Variants in TNPO1 observed in about 807,000 individuals in gnomAD.
TNPO1 encodes transportin-1.
Under a neutral mutation model 119.5 loss-of-function variants are expected in TNPO1, and 8 were observed. The ratio of observed to expected loss-of-function variants is 0.07; its 90% confidence interval spans 0.04 to 0.12. The LOEUF is 0.12. Ranked by LOEUF, TNPO1 falls within the 10% of genes least tolerant of loss-of-function variation. The probability of loss-of-function intolerance (pLI) is 1.00; values close to 1 mark genes in which losing one functional copy is unlikely to be tolerated. For synonymous variants in TNPO1, 362 were observed against 363.0 expected (o/e 1.00, Z 0.03); for missense variants, 576 against 1,089.8 (o/e 0.53, Z 6.64).
rs1372104122 is a variant in TNPO1, at chr5:72,908,758, GTTACCCTTTAC to G, written c.*86_*96del. On this transcript the variant is annotated 3_prime_UTR_variant, in exon 25 of 25. Transcript: ENST00000337273. ...GGGAGCCTCTGCACCCAGGGAAAAT[GTTACCCTTTAC>G]AGGGGGGAAGGGTAAACCAGTAGGG... 2 of 225,648 alleles carry G rather than the reference GTTACCCTTTAC, an allele frequency of 8.9e-6. No individual in the cohort carries two copies. Among genetic ancestry groups the G allele is most frequent in the Non-Finnish European group, 1.9e-5 (2 of 106,892 alleles). The allele number at this position is 225,648 out of a possible 1,614,324, so 14.0% of individuals were successfully genotyped here.
intron 2 of TNPO1, 112 bp downstream of exon 2, chr5:72,848,610 C>T: frequency 2.2e-6 from 1 of 457,126 alleles, no homozygotes; most frequent in Non-Finnish European, 3.5e-6. Flanking sequence ...CCCCATCCTC[C>T]GAGACCGGCC....
intron 4 of TNPO1, among the ~76,000 whole-genome samples, chr5:72,860,303 A>G (rs1363459496): frequency 6.6e-6 from 1 of 152,200 alleles, no homozygotes; most frequent in Non-Finnish European, 1.5e-5. Flanking sequence ...TTGTACACTC[A>G]TATTTTGCAG....
At chr5:72,867,809 A>G (rs926767727) in intron 6 of TNPO1, among the ~76,000 whole-genome samples, 1 of 152,238 alleles carries the variant, frequency 6.6e-6, no homozygotes, top group African/African-American at 2.4e-5. Context: ...TGTTGCATTC[A>G]TCTGTACTGA....
intron 23 of TNPO1, among the ~76,000 whole-genome samples, chr5:72,904,248 A>G (rs890440335): frequency 2.0e-5 from 3 of 152,352 alleles, no homozygotes; most frequent in East Asian, 1.9e-4. Context: ...GATTAAAGTT[A>G]GTGAACTATA....
In TNPO1 at chr5:72,827,488, G is replaced by A. The variant is rs11750849; in HGVS notation, c.15+10736G>A. Among the ~76,000 whole-genome samples, 38 of 152,204 alleles carry A rather than the reference G, an allele frequency of 2.5e-4. 1 individual carries two copies. The highest frequency in any genetic ancestry group is 8.9e-4 in the African/African-American group (37 of 41,542). ...CCATGGACTAGGGTAGACAGCAGAG[G>A]GGGTGAGAAGTGGTCAATTCAGAGT... is the stretch of plus-strand genomic sequence containing the variant. On this transcript the variant is annotated intron_variant, in intron 1 of 24. Coordinates refer to ENST00000337273, the MANE Select transcript of TNPO1 (RefSeq NM_002270.4).
intron 1 of TNPO1, among the ~76,000 whole-genome samples, chr5:72,836,172 C>T (rs1744684158): frequency 6.6e-6 from 1 of 152,184 alleles, no homozygotes; most frequent in Non-Finnish European, 1.5e-5. Context: ...TAGTTATTGC[C>T]CTTGTGTAGG....
intron 1 of TNPO1, among the ~76,000 whole-genome samples, chr5:72,823,853 G>A (rs1744093132): frequency 6.6e-6 from 1 of 152,044 alleles, no homozygotes; most frequent in Non-Finnish European, 1.5e-5. Context: ...CTGCCTGATG[G>A]TTGTACTGTA....
At position 72,827,594 on chromosome 5, in the gene TNPO1, A is replaced by G. The variant is rs1744262543; in HGVS notation, c.15+10842A>G. 2.0e-5 allele frequency among the ~76,000 whole-genome samples: 3 copies of G among 152,116 alleles called. No individual in the cohort carries two copies. In the South Asian group the frequency reaches 6.2e-4, roughly 32 times the overall value. On this transcript the variant is annotated intron_variant, in intron 1 of 24. Coordinates refer to ENST00000337273, the MANE Select transcript of TNPO1 (RefSeq NM_002270.4). ...AAGGAAATCAAGGGAAATAAGGATC[A>G]TTGCTTCTGATCTCCATAATTGGCC...
intron 1 of TNPO1, among the ~76,000 whole-genome samples, chr5:72,822,499 T>G (rs1398162564): frequency 6.6e-6 from 1 of 152,054 alleles, no homozygotes; most frequent in Admixed American, 6.5e-5. Flanking sequence ...GAGTCATGTG[T>G]GCTAGGATTA....
intron 20 of TNPO1, among the ~76,000 whole-genome samples, 198 bp downstream of exon 20, chr5:72,897,349 G>A (rs1749504211): frequency 6.6e-6 from 1 of 152,054 alleles, no homozygotes; most frequent in Non-Finnish European, 1.5e-5. Flanking sequence ...TATATTCAGT[G>A]GTATAACCAG....
intron 20 of TNPO1, among the ~76,000 whole-genome samples, chr5:72,899,495 T>C (rs564094823): frequency 3.0e-4 from 46 of 152,270 alleles, no homozygotes; most frequent in Non-Finnish European, 6.0e-4. Flanking sequence ...TGGTTTAAAT[T>C]CCCTAGATAA....
rs959853631 is a variant in TNPO1 at position 72,913,734 on chromosome 5, A to G, written c.*5061A>G. On this transcript the variant is annotated 3_prime_UTR_variant, in exon 25 of 25. Coordinates refer to ENST00000337273, the MANE Select transcript of TNPO1 (RefSeq NM_002270.4). ...TATAAGGCAGTGTTGGTCCCCTTCT[A>G]ATATTGGCCTCATAAAGGGGTTCCA... 2.0e-5 allele frequency: 3 copies of G among 152,508 alleles called. No individual in the cohort carries two copies. The highest frequency in any genetic ancestry group is 7.2e-5 in the African/African-American group (3 of 41,432). The allele number at this position is 152,508 out of a possible 1,614,324, so 9.4% of individuals were successfully genotyped here. A position where few individuals can be genotyped will look rare whatever the true frequency, so the allele number is the denominator to read the frequency against.
rs1294855261 is a variant in TNPO1, at chr5:72,905,462, T to G, written c.*35+17T>G. On this transcript the variant is annotated intron_variant, in intron 24 of 24. Transcript: ENST00000337273. ...AAATTAGGGGTAAGTTATAAGAAGTTTGGAAATTTTCAGGATGAAGAAAAT... is the reference window on the plus strand; with the variant it reads ...AAATTAGGGGTAAGTTATAAGAAGTGTGGAAATTTTCAGGATGAAGAAAAT... 7.4e-7 allele frequency: 1 copy of G among 1,353,320 alleles called. No individual in the cohort carries two copies. Among genetic ancestry groups the G allele is most frequent in the Non-Finnish European group, 1.0e-6 (1 of 975,274 alleles). The allele number at this position is 1,353,320 out of a possible 1,614,324, so 83.8% of individuals were successfully genotyped here.
intron 1 of TNPO1, among the ~76,000 whole-genome samples, chr5:72,821,807 G>C (rs1170102550): frequency 6.6e-6 from 1 of 152,194 alleles, no homozygotes; most frequent in Non-Finnish European, 1.5e-5. Flanking sequence ...ACTAGGAACA[G>C]CATTTCAGTG....
At chr5:72,879,028 G>T in intron 9 of TNPO1, 1 of 384,918 alleles carries the variant, frequency 2.6e-6, no homozygotes, top group South Asian at 2.1e-5. Flanking sequence ...GTTGTTCTTT[G>T]TTTTATGTAC....
At chr5:72,883,257 G>A (rs1269533669) in intron 11 of TNPO1, 25 bp downstream of exon 11, 2 of 1,105,296 alleles carry the variant, frequency 1.8e-6, no homozygotes, top group Non-Finnish European at 2.8e-6. Context: ...GAAAAGCACA[G>A]TTGCCTACTT....
chr5:72,897,034 T>G (rs1377738068), intron 19 of TNPO1, 22 bp from the exon 20 acceptor site: 2 of 1,514,618 alleles, frequency 1.3e-6, no homozygotes, highest in African/African-American at 2.8e-5. Flanking sequence ...TTTTGTTTTT[T>G]TCTTTTTGGG....
chr5:72,851,305 A>G lies in TNPO1; in HGVS notation c.191A>G (p.Lys64Arg). ...AACTACTTGATTTTTGTTCTTACAA[A>G]ATTAAAATCTGAAGGTAAGTAGGAT... ...FNNYLIFVLT[K>R]LKSEDEPTRS... Residue 64 changes from lysine (K) to arginine (R), a missense_variant, in exon 3 of 25, where the codon AAA becomes AGA. Transcript: ENST00000337273. 6.3e-7 allele frequency: 1 copy of G among 1,585,546 alleles called. No individual in the cohort carries two copies. Among genetic ancestry groups the G allele is most frequent in the Non-Finnish European group, 8.6e-7 (1 of 1,156,274 alleles).
intron 24 of TNPO1, among the ~76,000 whole-genome samples, chr5:72,906,098 T>C (rs763909443): frequency 1.3e-5 from 2 of 151,886 alleles, no homozygotes; most frequent in Admixed American, 6.6e-5. Flanking sequence ...TCGGCACTCA[T>C]AGTGATGGGG....
Sources: allele counts gnomAD v4.1 joint callset (sites outside exome capture counted in the v4.1 genomes callset), GRCh38; gene constraint gnomAD v4.1.1; transcripts MANE v1.5; gene names NCBI Gene and HGNC (gene_info 2026-07-23, HGNC 2026-07-21).